The following MCF2L variants were observed in gnomAD, a reference collection of about 807,000 sequenced individuals.
MCF2L encodes guanine nucleotide exchange factor DBS.
Under a neutral mutation model 153.4 loss-of-function variants are expected in MCF2L, and 97 were observed. That is an observed-to-expected ratio of 0.63 (90% CI 0.54 to 0.75). The LOEUF is 0.75. MCF2L is among the 30% of genes least tolerant of loss of function. The pLI, the probability that MCF2L is intolerant of heterozygous loss-of-function variation, is 0.00. For missense variants in MCF2L, 1,347 were observed against 1,495.2 expected (o/e 0.90, Z 1.64); for synonymous variants, 659 against 632.2 (o/e 1.04, Z -0.64).
chr13:113,002,056 G>C, intron 1 of MCF2L: 1 of 1,420,114 alleles, frequency 7.0e-7, no homozygotes, highest in South Asian at 1.5e-5. Flanking sequence ...ACGCCGGGCG[G>C]GGGTGGACGT....
chr13:112,930,328 G>T (rs1157014704), intron 2 of MCF2L, among the ~76,000 whole-genome samples: 1 of 152,136 alleles, frequency 6.6e-6, no homozygotes, highest in Non-Finnish European at 1.5e-5. Flanking sequence ...AACAAACTGT[G>T]GTCCATGCAG....
At position 113,035,683 on chromosome 13, in the gene MCF2L, C is replaced by G. The variant is rs570622339; in HGVS notation, c.279-9588C>G. ...TGCAGGGAGCTCCTGTGTTATCTGC[C>G]CTCCCCGCGAAGCTCCTTGGAGGAT... On this transcript the variant is annotated intron_variant, in intron 3 of 29. Transcript: ENST00000535094. This position sits in a 1 kb window ranked among gnomAD's most constrained non-coding sequence, Gnocchi z 4.4. Among the ~76,000 whole-genome samples, 1 of 152,280 alleles carries G rather than the reference C, an allele frequency of 6.6e-6. No homozygotes were observed. The highest frequency in any genetic ancestry group is 1.5e-5 in the Non-Finnish European group (1 of 68,030).
rs1261672073 is a variant in MCF2L at position 113,033,432 on chromosome 13, T to TTAGTGGACCCCGTGGC, written c.278+8674_278+8675insTAGTGGACCCCGTGGC. ...CCCGTGGCGTGAGTGGCCCCCATGA[T>TTAGTGGACCCCGTGGC]GTGAGTGGCCCCCGTGATGTGAGTG... On this transcript the variant is annotated intron_variant, in intron 3 of 29. Transcript: ENST00000535094. 1.0e-4 allele frequency among the ~76,000 whole-genome samples: 3 copies of TTAGTGGACCCCGTGGC among 29,362 alleles called. 1 individual carries two copies. The highest frequency in any genetic ancestry group is 2.1e-4 in the Non-Finnish European group (3 of 14,364). The allele number at this position is 29,362 out of a possible 152,430, so 19.3% of individuals were successfully genotyped here.
At position 113,031,222 on chromosome 13, in the gene MCF2L, A is replaced by G. The variant is rs1421874908; in HGVS notation, c.278+6464A>G. Among the ~76,000 whole-genome samples the G allele has an allele frequency of 2.8e-5, 4 of 140,474 alleles. No homozygotes were observed. The highest frequency in any genetic ancestry group is 1.1e-4 in the African/African-American group (4 of 37,152). The allele number at this position is 140,474 out of a possible 152,430, so 92.2% of individuals were successfully genotyped here. ...GAGACAGACAGAGACAGAGACAGAG[A>G]GAGACAGAGAGAAGAGACAGAGAGT... On this transcript the variant is annotated intron_variant, in intron 3 of 29. Transcript: ENST00000535094. The surrounding 1 kb of genome is among the most constrained non-coding windows in gnomAD (Gnocchi z 5.5).
chr13:113,076,990 CTG>C (rs2033561661), intron 12 of MCF2L, 60 bp from the exon 13 acceptor site: 11 of 1,542,518 alleles, frequency 7.1e-6, no homozygotes, highest in Admixed American at 5.5e-5. Flanking sequence ...CTGCGCCTGA[CTG>C]TGTATTTTTA....
rs919827000 is a variant in MCF2L at position 113,054,770 on chromosome 13, G to A, written c.370-5823G>A. 1 of 152,158 alleles carries A rather than the reference G, an allele frequency of 6.6e-6. No homozygotes were observed. Among genetic ancestry groups the A allele is most frequent in the African/African-American group, 2.4e-5 (1 of 41,424 alleles). The allele number at this position is 152,158 out of a possible 1,614,324, so 9.4% of individuals were successfully genotyped here. A position where few individuals can be genotyped will look rare whatever the true frequency, so the allele number is the denominator to read the frequency against. On this transcript the variant is annotated intron_variant, in intron 4 of 29. Transcript: ENST00000535094. This position sits in a 1 kb window ranked among gnomAD's most constrained non-coding sequence, Gnocchi z 5.2. ...ATGTCCTGTTGCTTTAGCTGCATTGGTAAATACATGCAGCGATTGTTTTCT... is the reference window on the plus strand; with the variant it reads ...ATGTCCTGTTGCTTTAGCTGCATTGATAAATACATGCAGCGATTGTTTTCT...
At chr13:112,956,659 G>A (rs1420983364) in intron 2 of MCF2L, 1 of 152,292 alleles carries the variant, frequency 6.6e-6, no homozygotes, top group Non-Finnish European at 1.5e-5. Context: ...ATGCAGACCT[G>A]TGTGGAGCAG....
chr13:112,903,630 G>C (rs918034422), intron 2 of MCF2L, among the ~76,000 whole-genome samples: 2 of 152,136 alleles, frequency 1.3e-5, no homozygotes, highest in African/African-American at 4.8e-5. Context: ...GCTGCGTTTC[G>C]GTATAGTCAC....
intron 2 of MCF2L, among the ~76,000 whole-genome samples, chr13:113,015,451 T>TGAGGAGGGTGCCCCGATGCC (rs879270016): frequency 1.1e-3 from 166 of 152,048 alleles, no homozygotes; most frequent in African/African-American, 3.5e-3. Context: ...GCCCCGATGC[T>TGAGGAGGGTGCCCCGATGCC]GAGGAGGGTG....
chr13:113,094,335 T>C (rs1198211933), intron 26 of MCF2L, 179 bp from the exon 27 acceptor site: 2 of 499,922 alleles, frequency 4.0e-6, no homozygotes, highest in African/African-American at 2.0e-5. Flanking sequence ...CCAGGCATTC[T>C]GGAAGTTTGC....
chr13:112,963,329 G>A (rs578076592), intron 2 of MCF2L, among the ~76,000 whole-genome samples: 9 of 152,306 alleles, frequency 5.9e-5, no homozygotes, highest in African/African-American at 1.4e-4. Context: ...GGGTCTGACC[G>A]TGCTCCTTCT....
chr13:112,961,791 G>A (rs919980415), intron 2 of MCF2L, among the ~76,000 whole-genome samples: 12 of 152,152 alleles, frequency 7.9e-5, no homozygotes, highest in South Asian at 2.1e-4. Flanking sequence ...CTGAGTCCTC[G>A]CCCCAGCCCA....
chr13:113,085,288 C>T lies in MCF2L; in HGVS notation c.2247+110C>T. 3.5e-6 allele frequency: 3 copies of T among 854,442 alleles called. No homozygotes were observed. The South Asian group carries it at 4.4e-5, about 13-fold the overall frequency. The allele number at this position is 854,442 out of a possible 1,614,324, so 52.9% of individuals were successfully genotyped here. On this transcript the variant is annotated intron_variant, in intron 20 of 29. Coordinates refer to ENST00000535094, the MANE Select transcript of MCF2L (RefSeq NM_001112732.3). Reference sequence around the variant, plus strand: ...CGCCCTGCCCCTCCCAGGCCAAGGGCACCTCTTCCGAGCCTGTGCTGAGGC... The same window carrying T: ...CGCCCTGCCCCTCCCAGGCCAAGGGTACCTCTTCCGAGCCTGTGCTGAGGC...
rs962860522 is a variant in MCF2L at position 113,053,605 on chromosome 13, C to T, written c.370-6988C>T. On this transcript the variant is annotated intron_variant, in intron 4 of 29. Transcript: ENST00000535094. The surrounding 1 kb of genome is among the most constrained non-coding windows in gnomAD (Gnocchi z 4.4). ...TCAGTGGGTCATGTGTGGTGATGCT[C>T]AGGACGGGGCGAAGGTCCCGTGGCT... 6.6e-5 allele frequency among the ~76,000 whole-genome samples: 10 copies of T among 152,174 alleles called. No homozygotes were observed. The highest frequency in any genetic ancestry group is 1.9e-4 in the African/African-American group (8 of 41,444).
rs773024129 is a variant in MCF2L, at chr13:113,031,395, C to T, written c.278+6637C>T. Among the ~76,000 whole-genome samples, 4 of 152,250 alleles carry T rather than the reference C, an allele frequency of 2.6e-5. No homozygotes were observed. Among genetic ancestry groups the T allele is most frequent in the East Asian group, 1.9e-4 (1 of 5,184 alleles). ...ATTCGTCACAGAGATCCCAGGAGGG[C>T]GCCAGCGGCATCTTTGGGGGCAGCG... On this transcript the variant is annotated intron_variant, in intron 3 of 29. Transcript: ENST00000535094. The surrounding 1 kb of genome is among the most constrained non-coding windows in gnomAD (Gnocchi z 5.5).
rs936935564 is a variant in MCF2L, at chr13:112,899,276, G to C, written c.-4-2923G>C. Among the ~76,000 whole-genome samples, 3 of 152,334 alleles carry C rather than the reference G, an allele frequency of 2.0e-5. No homozygotes were observed. The East Asian group carries it at 5.8e-4, about 29-fold the overall frequency. ...GCTCAGCCCAGGACCACAAAGCCCA[G>C]GGGGCCTGGCTCTCGGTCCAGCCTT... On this transcript the variant is annotated intron_variant, in intron 1 of 29. Transcript: ENST00000375608.
chr13:113,043,323 G>A (rs2086618303), intron 3 of MCF2L: 1 of 152,292 alleles, frequency 6.6e-6, no homozygotes, highest in African/African-American at 2.4e-5. Context: ...TCGCTGGCCT[G>A]AGGATTACGT....
Position 113,096,357 on chromosome 13 carries a change from C to T in MCF2L, c.3076-14C>T. On this transcript the variant is annotated splice_polypyrimidine_tract_variant and intron_variant, in intron 27 of 29. Coordinates refer to ENST00000535094, the MANE Select transcript of MCF2L (RefSeq NM_001112732.3). Reference sequence around the variant, plus strand: ...GTGCTGACGCTGTCTGTGCCCCTGCCCGTCTCCCACCAGGTTCCAGGTAAA... The same window carrying T: ...GTGCTGACGCTGTCTGTGCCCCTGCTCGTCTCCCACCAGGTTCCAGGTAAA... 6.5e-7 allele frequency: 1 copy of T among 1,547,718 alleles called. No individual in the cohort carries two copies. Among genetic ancestry groups the T allele is most frequent in the South Asian group, 1.2e-5 (1 of 84,324 alleles).
intron 1 of MCF2L, among the ~76,000 whole-genome samples, chr13:113,013,415 T>C (rs1380059063): frequency 6.6e-6 from 1 of 152,124 alleles, no homozygotes; most frequent in Non-Finnish European, 1.5e-5. Context: ...ACACCAGGGT[T>C]GTGTCTGGCT....
Sources: gnomAD v4.1 joint callset for allele counts (sites outside exome capture counted in the v4.1 genomes callset) on GRCh38, gnomAD v4.1.1 for gene constraint, Gnocchi (gnomAD v3.1) non-coding constraint, MANE v1.5 for transcripts, NCBI Gene and HGNC (gene_info 2026-07-23, HGNC 2026-07-21) for gene names.